The following ADGRV1 variants were observed in gnomAD, a reference collection of about 807,000 sequenced individuals.
The protein encoded by ADGRV1 is G-protein coupled receptor 98.
Under a neutral mutation model 596.2 loss-of-function variants are expected in ADGRV1, and 359 were observed. That is an observed-to-expected ratio of 0.60 (90% CI 0.55 to 0.66). The LOEUF is 0.66. Ranked by LOEUF, ADGRV1 falls within the 30% of genes least tolerant of loss-of-function variation. The pLI is 0.00. For missense variants in ADGRV1, 7,274 were observed against 7,575.6 expected (o/e 0.96, Z 1.48); for synonymous variants, 2,681 against 2,679.2 (o/e 1.00, Z -0.02).
intron 83 of ADGRV1, among the ~76,000 whole-genome samples, chr5:90,875,284 C>T (rs1192664138): frequency 6.6e-6 from 1 of 152,078 alleles, no homozygotes; most frequent in Non-Finnish European, 1.5e-5. Flanking sequence ...TATTATAATT[C>T]TTGGTTTATA....
intron 33 of ADGRV1, 130 bp from the exon 34 acceptor site, chr5:90,696,807 A>T (rs1747248784): frequency 1.3e-5 from 7 of 559,680 alleles, no homozygotes; most frequent in Non-Finnish European, 2.2e-5. Context: ...GTTGCCCATG[A>T]TATGGAACTG....
intron 77 of ADGRV1, among the ~76,000 whole-genome samples, chr5:90,839,203 GT>G (rs1173703688): frequency 2.0e-5 from 3 of 151,706 alleles, no homozygotes; most frequent in African/African-American, 7.3e-5. Context: ...TCTGTTTTTT[GT>G]TTTTGTTTTT....
chr5:90,965,480 T>G lies in ADGRV1; in HGVS notation c.17922T>G (p.Ala5974=), dbSNP rs1207552614. ...CTGAGGAGAGCTGTTCAGCTATGGCTGCTGTCACACATTACCTGTATCTTT... is the reference window on the plus strand; with the variant it reads ...CTGAGGAGAGCTGTTCAGCTATGGCGGCTGTCACACATTACCTGTATCTTT... ...QLAEESCSAM[A]AVTHYLYLCQ... is the part of the protein sequence containing the mutation. Residue 5974 remains alanine, a synonymous_variant, in exon 84 of 90, where the codon GCT becomes GCG. Transcript: ENST00000405460. 3 of 1,613,842 alleles carry G rather than the reference T, an allele frequency of 1.9e-6. No individual in the cohort carries two copies. The highest frequency in any genetic ancestry group is 3.3e-5 in the Admixed American group (2 of 60,024).
intron 85 of ADGRV1, among the ~76,000 whole-genome samples, chr5:91,045,421 G>A (rs948432882): frequency 1.3e-5 from 2 of 152,100 alleles, no homozygotes; most frequent in African/African-American, 4.8e-5. Context: ...CACATAAGCA[G>A]AATTAAAAAC....
At chr5:91,096,808 T>G (rs955676691) in intron 86 of ADGRV1, among the ~76,000 whole-genome samples, 1 of 152,222 alleles carries the variant, frequency 6.6e-6, no homozygotes, top group South Asian at 2.1e-4. Flanking sequence ...GTCACCACTA[T>G]CCATGTTTCC....
At chr5:90,893,884 A>G (rs1251994375) in intron 83 of ADGRV1, among the ~76,000 whole-genome samples, 3 of 152,172 alleles carry the variant, frequency 2.0e-5, no homozygotes, top group South Asian at 2.1e-4. Context: ...ACACTGTTCA[A>G]TGTATTTCCA....
chr5:90,756,650 G>C lies in ADGRV1; in HGVS notation c.11757+20G>C. ...ACTAGAGTGAGATGAACTTTCATTT[G>C]TTTACAGTCATACAGAGGCCTCTCC... On this transcript the variant is annotated intron_variant, in intron 56 of 89. Transcript: ENST00000405460. The C allele has an allele frequency of 6.2e-7, 1 of 1,602,932 alleles. No individual in the cohort carries two copies. Among genetic ancestry groups the C allele is most frequent in the South Asian group, 1.1e-5 (1 of 90,498 alleles).
chr5:90,587,036 T>C (rs891460352), intron 1 of ADGRV1, among the ~76,000 whole-genome samples: 30 of 152,228 alleles, frequency 2.0e-4, no homozygotes, highest in African/African-American at 7.2e-4. Context: ...AGTAAGTAGT[T>C]TGTGCCCTAG....
At chr5:90,903,140 T>C (rs1581465603) in intron 83 of ADGRV1, among the ~76,000 whole-genome samples, 1 of 152,068 alleles carries the variant, frequency 6.6e-6, no homozygotes, top group East Asian at 1.9e-4. Context: ...TGTCTAAGAT[T>C]TACCAACTTA....
At chr5:90,612,923 A>C (rs779141777) in intron 1 of ADGRV1, among the ~76,000 whole-genome samples, 1 of 152,108 alleles carries the variant, frequency 6.6e-6, no homozygotes, top group Non-Finnish European at 1.5e-5. Context: ...GAGTTGGATC[A>C]GAATTAATAG....
At chr5:90,722,304 T>C (rs912330410) in intron 45 of ADGRV1, among the ~76,000 whole-genome samples, 1 of 152,060 alleles carries the variant, frequency 6.6e-6, no homozygotes, top group Admixed American at 6.5e-5. Flanking sequence ...TTCATTAAGA[T>C]GGAATTCCAA....
chr5:90,817,144 G>C (rs1034105077), intron 75 of ADGRV1, among the ~76,000 whole-genome samples: 12 of 152,024 alleles, frequency 7.9e-5, no homozygotes, highest in Non-Finnish European at 1.2e-4. Flanking sequence ...GTTTTGATTT[G>C]CATTTCTCTG....
At chr5:90,593,931 A>C (rs1759884567) in intron 1 of ADGRV1, among the ~76,000 whole-genome samples, 1 of 152,118 alleles carries the variant, frequency 6.6e-6, no homozygotes, top group African/African-American at 2.4e-5. Flanking sequence ...CTTATGTTTA[A>C]ATTGTACAAT....
At chr5:90,644,428 G>C (rs1767436834) in intron 14 of ADGRV1, among the ~76,000 whole-genome samples, 1 of 152,140 alleles carries the variant, frequency 6.6e-6, no homozygotes, top group Non-Finnish European at 1.5e-5. Flanking sequence ...TGATAGGTGT[G>C]CCTAATTCGT....
chr5:90,763,772 A>G (rs1326641965), intron 59 of ADGRV1, among the ~76,000 whole-genome samples: 4 of 152,196 alleles, frequency 2.6e-5, no homozygotes, highest in African/African-American at 4.8e-5. Flanking sequence ...GTGAGAACAC[A>G]TGGTATTTGA....
chr5:90,687,362 T>C (rs1745810810), intron 29 of ADGRV1, among the ~76,000 whole-genome samples: 1 of 152,238 alleles, frequency 6.6e-6, no homozygotes, highest in African/African-American at 2.4e-5. Flanking sequence ...GTTTAAGTCT[T>C]TAATCCATCT....
At chr5:91,137,234 A>G (rs1175981666) in intron 87 of ADGRV1, among the ~76,000 whole-genome samples, 1 of 151,962 alleles carries the variant, frequency 6.6e-6, no homozygotes, top group Non-Finnish European at 1.5e-5. Flanking sequence ...TACAAGCTTG[A>G]GCCACTGTAC....
intron 75 of ADGRV1, among the ~76,000 whole-genome samples, chr5:90,821,721 G>A (rs1339462172): frequency 2.6e-5 from 4 of 151,696 alleles, no homozygotes; most frequent in Non-Finnish European, 5.9e-5. Context: ...TCCCAGTTAG[G>A]CTGCTTCGGG....
At chr5:90,564,740 C>T (rs1412361397) in intron 1 of ADGRV1, among the ~76,000 whole-genome samples, 1 of 87,718 alleles carries the variant, frequency 1.1e-5, no homozygotes, top group Non-Finnish European at 2.3e-5. Context: ...CATTCTCCTG[C>T]CTCAGCCTCC....
Sources: gnomAD v4.1 joint callset for allele counts (sites outside exome capture counted in the v4.1 genomes callset) on GRCh38, gnomAD v4.1.1 for gene constraint, MANE v1.5 for transcripts, NCBI Gene and HGNC (gene_info 2026-07-23, HGNC 2026-07-21) for gene names.